Variants in VWA5B1 observed in about 807,000 individuals in gnomAD.
VWA5B1 encodes von Willebrand factor A domain containing 5B1.
VWA5B1 carries 115 observed loss-of-function variants against 118.2 expected under a neutral mutation model. The ratio of observed to expected loss-of-function variants is 0.97; its 90% CI spans 0.84 to 1.14. The LOEUF (loss-of-function observed/expected upper bound fraction) is 1.14. Ranked by LOEUF, VWA5B1 falls within the 50% of genes most tolerant of loss-of-function variation. VWA5B1 has a pLI of 0.00. For synonymous variants in VWA5B1, 682 were observed against 658.4 expected, an observed-to-expected ratio of 1.04 and a Z score of -0.55; for missense variants, 1,596 against 1,603.8, an observed-to-expected ratio of 1.00 and a Z score of 0.08.
chr1:20,332,711 C>T, intron 11 of VWA5B1, 55 bp from the exon 12 acceptor site: 3 of 1,528,894 alleles, frequency 2.0e-6, no homozygotes, highest in Non-Finnish European at 2.7e-6. Context: ...ACATGATCTT[C>T]TGTACACATC....
intron 7 of VWA5B1, among the ~76,000 whole-genome samples, chr1:20,322,635 T>C (rs1040872982): frequency 2.0e-5 from 3 of 152,024 alleles, no homozygotes; most frequent in African/African-American, 7.3e-5. Flanking sequence ...AACTATTCGG[T>C]GTGAGAAGTG....
rs2090264040 is a variant in VWA5B1, at chr1:20,358,294, C to T, written c.*4031C>T. On this transcript the variant is annotated 3_prime_UTR_variant, in exon 22 of 22. Transcript: ENST00000289815. ...TGAAAAGCAAGGGTTCCTCCTTCTCCCTTCCAGCTGGTTCACCAGGAACAG... is the reference window on the plus strand; with the variant it reads ...TGAAAAGCAAGGGTTCCTCCTTCTCTCTTCCAGCTGGTTCACCAGGAACAG... 6.6e-6 allele frequency among the ~76,000 whole-genome samples: 1 copy of T among 152,228 alleles called. No individual in the cohort carries two copies. Among genetic ancestry groups the T allele is most frequent in the South Asian group, 2.1e-4 (1 of 4,832 alleles).
In VWA5B1 at chr1:20,348,300, C is replaced by T; in HGVS notation, c.2820C>T (p.Thr940=). ...SRALAQQWRG[T]SSGFGRPQTM... is the part of the protein sequence containing the mutation. Reference sequence around the variant, plus strand: ...CCCTGGCCCAACAGTGGAGGGGCACCTCTTCTGGCTTTGGAAGGCCGCAGA... The same window carrying T: ...CCCTGGCCCAACAGTGGAGGGGCACTTCTTCTGGCTTTGGAAGGCCGCAGA... The change falls in exon 18 of 22, where the codon ACC becomes ACT. Residue 940 remains threonine (T), a synonymous_variant. Transcript: ENST00000289815. 6.4e-7 allele frequency: 1 copy of T among 1,551,674 alleles called. No homozygotes were observed. The highest frequency in any genetic ancestry group is 8.7e-7 in the Non-Finnish European group (1 of 1,147,016).
intron 1 of VWA5B1, among the ~76,000 whole-genome samples, chr1:20,302,763 G>A (rs1008197283): frequency 3.3e-5 from 5 of 152,154 alleles, no homozygotes; most frequent in African/African-American, 9.7e-5. Context: ...GGAGGTGGTG[G>A]CATTGAAGCT....
Position 20,323,397 on chromosome 1 carries a change from C to A in VWA5B1, c.1008C>A (p.His336Gln), listed in dbSNP as rs778925737. ...IRKRLHKDIP[H>Q]HSVIMLNFCP... is the part of the protein sequence containing the mutation. ...AACGCCTCCACAAAGACATTCCCCA[C>A]CACTCCGTCATCATGCTCAACTTCT... The change falls in exon 8 of 22, where the codon CAC becomes CAA. Residue 336 changes from histidine (H) to glutamine (Q), a missense_variant. Physicochemically the swap from His to Gln is conservative, Grantham distance 24 (BLOSUM62 0). Transcript: ENST00000289815. The A allele has an allele frequency of 2.0e-6, 3 of 1,526,008 alleles. No individual in the cohort carries two copies. In the South Asian group the frequency reaches 3.8e-5, roughly 19 times the overall value. 94.5% of individuals were successfully genotyped at this position (1,526,008 alleles called of 1,614,324 possible). A position where few individuals can be genotyped will look rare whatever the true frequency, so the allele number is the denominator to read the frequency against.
chr1:20,330,096 C>T, intron 9 of VWA5B1, 84 bp from the exon 10 acceptor site: 2 of 1,458,342 alleles, frequency 1.4e-6, no homozygotes, highest in South Asian at 1.2e-5. Flanking sequence ...AAAAGAAGAT[C>T]TAGGGAAACA....
intron 8 of VWA5B1, among the ~76,000 whole-genome samples, chr1:20,327,027 A>T (rs1355807523): frequency 1.3e-5 from 2 of 152,084 alleles, no homozygotes. Context: ...CATGATCATC[A>T]TGATCATCAT....
In VWA5B1 at chr1:20,337,408, G is replaced by A. The variant is rs148961498; in HGVS notation, c.1943-238G>A. Among the ~76,000 whole-genome samples, 729 of 152,236 alleles carry A rather than the reference G, an allele frequency of 4.8e-3. 12 individuals are homozygous for A. Among genetic ancestry groups the A allele is most frequent in the African/African-American group, 0.016 (676 of 41,524 alleles). ...TTCCCACAGAGCTGGGATTACAGACGTGAGCCACCACACCCAGCCACATTG... is the reference window on the plus strand; with the variant it reads ...TTCCCACAGAGCTGGGATTACAGACATGAGCCACCACACCCAGCCACATTG... On this transcript the variant is annotated intron_variant, in intron 13 of 21. Transcript: ENST00000289815.
At chr1:20,328,300 C>T (rs1431274443) in intron 9 of VWA5B1, among the ~76,000 whole-genome samples, 1 of 152,098 alleles carries the variant, frequency 6.6e-6, no homozygotes, top group African/African-American at 2.4e-5. Context: ...GGACATAGCC[C>T]AGGCCTGCCA....
intron 8 of VWA5B1, among the ~76,000 whole-genome samples, chr1:20,327,029 G>C (rs1420859021): frequency 2.0e-5 from 3 of 151,966 alleles, no homozygotes; most frequent in Non-Finnish European, 4.4e-5. Context: ...TGATCATCAT[G>C]ATCATCATCA....
chr1:20,321,383 A>C (rs1308482449), intron 7 of VWA5B1, among the ~76,000 whole-genome samples: 2 of 152,132 alleles, frequency 1.3e-5, no homozygotes, highest in Admixed American at 1.3e-4. Flanking sequence ...TCAGGAGATC[A>C]AGACCATCCT....
intron 16 of VWA5B1, among the ~76,000 whole-genome samples, chr1:20,344,870 T>A (rs2089974791): frequency 6.6e-6 from 1 of 152,260 alleles, no homozygotes; most frequent in African/African-American, 2.4e-5. Context: ...TGGCTCCTCA[T>A]ACAGCCTTCT....
At chr1:20,326,813 C>T (rs2089400301) in intron 8 of VWA5B1, among the ~76,000 whole-genome samples, 1 of 151,750 alleles carries the variant, frequency 6.6e-6, no homozygotes, top group Non-Finnish European at 1.5e-5. Flanking sequence ...AATTCCTTAG[C>T]TCTCCTGAGC....
At chr1:20,344,770 T>C (rs1394554146) in intron 16 of VWA5B1, among the ~76,000 whole-genome samples, 2 of 152,258 alleles carry the variant, frequency 1.3e-5, no homozygotes, top group African/African-American at 4.8e-5. Context: ...ATATTTTACT[T>C]GTATTTTTGT....
intron 1 of VWA5B1, among the ~76,000 whole-genome samples, chr1:20,309,907 CTG>C (rs59044353): frequency 0.093 from 7,957 of 85,286 alleles, 380 homozygotes; most frequent in Admixed American, 0.13. Context: ...GATGGATTGG[CTG>C]TGTGTGTGTG....
chr1:20,330,800 T>C lies in VWA5B1; in HGVS notation c.1458-69T>C, dbSNP rs561767851. On this transcript the variant is annotated intron_variant, in intron 10 of 21. Coordinates refer to ENST00000289815, the MANE Select transcript of VWA5B1 (RefSeq NM_001039500.3). Reference sequence around the variant, plus strand: ...ATCCTGCCAGACCATGCTCTGTCCCTTTCTGCATCAGGAGGCAAAGATGCA... The same window carrying C: ...ATCCTGCCAGACCATGCTCTGTCCCCTTCTGCATCAGGAGGCAAAGATGCA... 25 of 1,442,902 alleles carry C rather than the reference T, an allele frequency of 1.7e-5. No individual in the cohort carries two copies. In the African/African-American group the frequency reaches 2.8e-4, roughly 16 times the overall value. The allele number at this position is 1,442,902 out of a possible 1,614,324, so 89.4% of individuals were successfully genotyped here.
Position 20,323,498 on chromosome 1 carries a change from G to A in VWA5B1, c.1109G>A (p.Ser370Asn), listed in dbSNP as rs200922644. The change falls in exon 8 of 22, where the codon AGC becomes AAC. Residue 370 changes from serine (S) to asparagine (N), a missense_variant. Ser to Asn is a conservative substitution (Grantham distance 46, BLOSUM62 1). Transcript: ENST00000289815. ...GEFIFLIDRS[S>N]SMSGISMHRV... is the part of the protein sequence containing the mutation. ...TTCATCTTCCTCATTGACAGGAGCA[G>A]CAGCATGAGCGGGATCAGCATGCAC... 63 of 1,520,766 alleles carry A rather than the reference G, an allele frequency of 4.1e-5. No homozygotes were observed. Among genetic ancestry groups the A allele is most frequent in the Admixed American group, 2.1e-5 (1 of 46,820 alleles). 94.2% of individuals were successfully genotyped at this position (1,520,766 alleles called of 1,614,324 possible). A position where few individuals can be genotyped will look rare whatever the true frequency, so the allele number is the denominator to read the frequency against.
rs188166875 is a variant in VWA5B1, at chr1:20,330,410, G to A, written c.1457+28G>A. The A allele has an allele frequency of 7.2e-4, 1,112 of 1,549,944 alleles. 4 individuals are homozygous for A. The African/African-American group carries it at 8.9e-3, about 12-fold the overall frequency. On this transcript the variant is annotated intron_variant, in intron 10 of 21. Coordinates refer to ENST00000289815, the MANE Select transcript of VWA5B1 (RefSeq NM_001039500.3). ...CGGCCTTGGCTGAGGGTCTAGGCTC[G>A]GTGACTCCAGGCTGCCGGGGCTGGG...
intron 1 of VWA5B1, among the ~76,000 whole-genome samples, chr1:20,294,770 G>A (rs747469252): frequency 5.9e-5 from 9 of 151,950 alleles, no homozygotes; most frequent in Non-Finnish European, 1.0e-4. Flanking sequence ...TGTATTTTTA[G>A]TAGAGACGGG....
Sources: gnomAD v4.1 joint callset for allele counts (sites outside exome capture counted in the v4.1 genomes callset) on GRCh38, gnomAD v4.1.1 for gene constraint, MANE v1.5 for transcripts, NCBI Gene and HGNC (gene_info 2026-07-23, HGNC 2026-07-21) for gene names.